The following RPH3A variants were observed in gnomAD, a reference collection of about 807,000 sequenced individuals.
RPH3A encodes the protein rabphilin-3A.
A neutral mutation model predicts 102.2 loss-of-function variants in RPH3A; 48 were observed. The ratio of observed to expected loss-of-function variants is 0.47; its 90% CI spans 0.37 to 0.60. The LOEUF (loss-of-function observed/expected upper bound fraction) is 0.60. Ranked by LOEUF, RPH3A falls within the 20% of genes least tolerant of loss-of-function variation. The pLI is 0.00. For synonymous variants in RPH3A, 310 were observed against 324.3 expected, an observed-to-expected ratio of 0.96 and a Z score of 0.47; for missense variants, 781 against 910.1, an observed-to-expected ratio of 0.86 and a Z score of 1.83.
At chr12:112,583,210 T>C (rs974751862) in intron 1 of RPH3A, among the ~76,000 whole-genome samples, 4 of 152,234 alleles carry the variant, frequency 2.6e-5, no homozygotes, top group African/African-American at 9.6e-5. Flanking sequence ...GACATTATCC[T>C]CAACGACAAT....
At chr12:112,869,583 A>T (rs2042670395) in intron 8 of RPH3A, 176 bp from the exon 9 acceptor site, 1 of 643,032 alleles carries the variant, frequency 1.6e-6, no homozygotes, top group Admixed American at 2.9e-5. Context: ...ATGCAAAAAA[A>T]AATGTGAAAT....
intron 1 of RPH3A, among the ~76,000 whole-genome samples, chr12:112,670,738 A>C (rs1293362199): frequency 6.6e-6 from 1 of 152,150 alleles, no homozygotes. Flanking sequence ...AGTGTTTACC[A>C]TCTATTTCAA....
intron 1 of RPH3A, among the ~76,000 whole-genome samples, chr12:112,696,241 G>A (rs2040351239): frequency 6.6e-6 from 1 of 152,140 alleles, no homozygotes; most frequent in African/African-American, 2.4e-5. Context: ...GTTGGTTGAT[G>A]GACACTTAGA....
intron 1 of RPH3A, among the ~76,000 whole-genome samples, chr12:112,693,026 C>A (rs139681321): frequency 1.3e-5 from 2 of 152,322 alleles, no homozygotes; most frequent in African/African-American, 4.8e-5. Context: ...GGACTGGGTG[C>A]CATTCAGCTA....
intron 1 of RPH3A, among the ~76,000 whole-genome samples, chr12:112,678,303 A>G (rs11066379): frequency 0.35 from 15,154 of 43,600 alleles, 3,551 homozygotes; most frequent in African/African-American, 0.64. Flanking sequence ...GAAAGAAAGA[A>G]AGAGAGAGAG....
rs2043230188 is a variant in RPH3A at position 112,898,789 on chromosome 12, G to A, written c.*2009G>A. 6.6e-6 allele frequency: 1 copy of A among 152,314 alleles called. No homozygotes were observed. Among genetic ancestry groups the A allele is most frequent in the African/African-American group, 2.4e-5 (1 of 41,464 alleles). The allele number at this position is 152,314 out of a possible 1,614,324, so 9.4% of individuals were successfully genotyped here. A position where few individuals can be genotyped will look rare whatever the true frequency, so the allele number is the denominator to read the frequency against. On this transcript the variant is annotated 3_prime_UTR_variant, in exon 22 of 22. Transcript: ENST00000389385. Reference sequence around the variant, plus strand: ...ACAAATGTAACCACCTCCCTGCCTAGAATACACACACGTCCTCCGGTGCAT... The same window carrying A: ...ACAAATGTAACCACCTCCCTGCCTAAAATACACACACGTCCTCCGGTGCAT...
At chr12:112,799,509 G>A (rs1462707918) in intron 2 of RPH3A, among the ~76,000 whole-genome samples, 2 of 152,308 alleles carry the variant, frequency 1.3e-5, no homozygotes, top group East Asian at 1.9e-4. Flanking sequence ...AAAAGCCAAA[G>A]ATTCAGCTTT....
chr12:112,813,499 T>C (rs954095498), intron 2 of RPH3A: 4 of 152,234 alleles, frequency 2.6e-5, no homozygotes, highest in African/African-American at 9.7e-5. Context: ...TTTTCACTGT[T>C]TCTGAAGTGG....
intron 1 of RPH3A, among the ~76,000 whole-genome samples, chr12:112,621,657 G>A (rs1319877894): frequency 6.6e-6 from 1 of 151,840 alleles, no homozygotes; most frequent in Non-Finnish European, 1.5e-5. Context: ...GCCCAGGCTT[G>A]CTTAGGTAAA....
Position 112,865,440 on chromosome 12 carries a change from T to C in RPH3A, c.257T>C (p.Met86Thr). The C allele has an allele frequency of 1.2e-6, 2 of 1,613,916 alleles. No homozygotes were observed. Among genetic ancestry groups the C allele is most frequent in the Non-Finnish European group, 1.7e-6 (2 of 1,179,928 alleles). ...CGCCTGGTGGACCGCCTAGAAAACA[T>C]GAGGAAGAACGTGGCTGGAGATGGG... Reference protein sequence around the residue: ...IGRLVDRLENMRKNVAGDGVN... With the variant: ...IGRLVDRLENTRKNVAGDGVN... Residue 86 changes from methionine (M) to threonine (T), a missense_variant, in exon 6 of 22, where the codon ATG becomes ACG. Physicochemically the swap from Met to Thr is moderately conservative, Grantham distance 81. Around this residue, in one of 2 missense-constraint regions of RPH3A, gnomAD observed 730 missense variants for 810.0 expected, o/e 0.90. Coordinates refer to ENST00000389385, the MANE Select transcript of RPH3A (RefSeq NM_001143854.2).
intron 1 of RPH3A, among the ~76,000 whole-genome samples, chr12:112,632,286 A>C (rs2039812792): frequency 6.6e-6 from 1 of 152,152 alleles, no homozygotes; most frequent in Non-Finnish European, 1.5e-5. Flanking sequence ...TGTCTTTATC[A>C]GCAGTGTGAA....
chr12:112,640,590 G>A (rs2075231), intron 1 of RPH3A, among the ~76,000 whole-genome samples: 41,816 of 151,770 alleles, frequency 0.28, 7,414 homozygotes, highest in East Asian at 0.65. Flanking sequence ...GAATTGAATA[G>A]CATCTCAGTT....
chr12:112,592,364 G>A (rs577865248), intron 1 of RPH3A, among the ~76,000 whole-genome samples: 2 of 152,290 alleles, frequency 1.3e-5, no homozygotes, highest in Non-Finnish European at 2.9e-5. Context: ...TGTCACCCAG[G>A]CTGGAGTGCA....
chr12:112,647,600 T>C (rs974525132), intron 1 of RPH3A, among the ~76,000 whole-genome samples: 3 of 134,786 alleles, frequency 2.2e-5, no homozygotes, highest in Non-Finnish European at 4.9e-5. Flanking sequence ...GGTGTGTGTG[T>C]GTGTATGTGT....
At chr12:112,705,346 G>A (rs2040420965) in intron 1 of RPH3A, among the ~76,000 whole-genome samples, 1 of 152,088 alleles carries the variant, frequency 6.6e-6, no homozygotes, top group Non-Finnish European at 1.5e-5. Flanking sequence ...CTATTTTTAT[G>A]GAACAAAGAG....
intron 1 of RPH3A, among the ~76,000 whole-genome samples, chr12:112,614,647 C>G (rs1034902382): frequency 8.2e-6 from 1 of 122,296 alleles, no homozygotes; most frequent in Non-Finnish European, 1.6e-5. Flanking sequence ...GAGATCACAT[C>G]ACTGTACTCT....
intron 1 of RPH3A, among the ~76,000 whole-genome samples, chr12:112,642,755 A>C (rs1377999770): frequency 6.6e-6 from 1 of 152,222 alleles, no homozygotes; most frequent in African/African-American, 2.4e-5. Flanking sequence ...ACCAGTATTC[A>C]TTAAGTACCA....
At chr12:112,855,818 G>A (rs1311256445) in intron 5 of RPH3A, among the ~76,000 whole-genome samples, 2 of 152,076 alleles carry the variant, frequency 1.3e-5, no homozygotes, top group Non-Finnish European at 2.9e-5. Context: ...CCCCCTACTT[G>A]GCAATTAGGG....
chr12:112,668,803 A>G (rs1298154648), intron 1 of RPH3A, among the ~76,000 whole-genome samples: 1 of 152,164 alleles, frequency 6.6e-6, no homozygotes, highest in Non-Finnish European at 1.5e-5. Flanking sequence ...CAGCATATGT[A>G]TTCCAGACTT....
Sources: gnomAD v4.1 joint callset for allele counts (sites outside exome capture counted in the v4.1 genomes callset) on GRCh38, gnomAD v4.1.1 for gene constraint, gnomAD v4.1.1 regional missense constraint, MANE v1.5 for transcripts, NCBI Gene and HGNC (gene_info 2026-07-23, HGNC 2026-07-21) for gene names.